SLC5A3: variants seen among roughly 807,000 people sequenced by gnomAD.
SLC5A3 encodes solute carrier family 5 member 3.
In SLC5A3, 10 loss-of-function variants were observed where a neutral mutation model predicts 43.2. The ratio of observed to expected loss-of-function variants is 0.23; its 90% CI spans 0.14 to 0.39. SLC5A3 has a LOEUF of 0.39. SLC5A3 is among the 10% of genes least tolerant of loss of function. SLC5A3 has a pLI of 1.00. For missense variants in SLC5A3, 608 were observed against 893.4 expected, an observed-to-expected ratio of 0.68 and a Z score of 4.07; for synonymous variants, 349 against 322.0, an observed-to-expected ratio of 1.08 and a Z score of -0.90.
rs771512755 is a variant in SLC5A3, at chr21:34,096,555, G to T, written c.1357G>T (p.Ala453Ser). Reference protein sequence around the residue: ...EVADYLTPPVAALFLLAIFWK... With the variant: ...EVADYLTPPVSALFLLAIFWK... ...AGCAGATTACCTGACACCCCCAGTG[G>T]CAGCCTTGTTCCTGCTGGCAATTTT... The change falls in exon 2 of 2, where the codon GCA becomes TCA. Residue 453 changes from alanine (A) to serine (S), a missense_variant. Ala to Ser is a moderately conservative substitution (Grantham distance 99). Transcript: ENST00000381151. The surrounding 1 kb of genome is among the most constrained non-coding windows in gnomAD (Gnocchi z 5.9). 5 of 1,613,988 alleles carry T rather than the reference G, an allele frequency of 3.1e-6. No homozygotes were observed. The Admixed American group carries it at 8.3e-5, about 27-fold the overall frequency.
chr21:34,077,476 C>T (rs1419200879), intron 1 of SLC5A3, among the ~76,000 whole-genome samples: 2 of 152,026 alleles, frequency 1.3e-5, no homozygotes, highest in African/African-American at 2.4e-5. Flanking sequence ...TTCTCATTGG[C>T]GTTCAGGAAT....
chr21:34,080,195 AG>A (rs1989428341), intron 1 of SLC5A3, among the ~76,000 whole-genome samples: 1 of 152,216 alleles, frequency 6.6e-6, no homozygotes, highest in African/African-American at 2.4e-5. Context: ...ACTTATAACA[AG>A]GAAATAGTAG....
chr21:34,088,912 A>G (rs1055764831), intron 1 of SLC5A3, among the ~76,000 whole-genome samples: 1 of 151,390 alleles, frequency 6.6e-6, no homozygotes, highest in Non-Finnish European at 1.5e-5. Context: ...TAACTCACTT[A>G]TCTTTGATAA....
In SLC5A3 at chr21:34,097,156, G is replaced by A. The variant is rs1399868867; in HGVS notation, c.1958G>A (p.Arg653Gln). The A allele has an allele frequency of 4.3e-6, 7 of 1,613,844 alleles. No homozygotes were observed. The highest frequency in any genetic ancestry group is 1.6e-4 in the Middle Eastern group (1 of 6,078). ...AAGAAAGAAACGGATGATGGAGGTC[G>A]GTACTGGAAGTTCATAGACTGGTTT... ...ERKKETDDGG[R>Q]YWKFIDWFCG... is the part of the protein sequence containing the mutation. The change falls in exon 2 of 2, where the codon CGG (arginine) becomes CAG (glutamine). Residue 653 changes from arginine to glutamine, a missense_variant. Around this residue, in one of 2 missense-constraint regions of SLC5A3, gnomAD observed 210 missense variants for 224.8 expected, o/e 0.93. Coordinates refer to ENST00000381151, the MANE Select transcript of SLC5A3 (RefSeq NM_006933.7).
intron 1 of SLC5A3, 40 bp downstream of exon 1, chr21:34,073,785 C>G (rs375691852): frequency 1.1e-5 from 15 of 1,426,000 alleles, no homozygotes; most frequent in East Asian, 3.2e-5. Flanking sequence ...CCCGCGCGGG[C>G]GCCCCCGCTG....
At chr21:34,086,517 T>TTGTGTGTGTGTGTG (rs34988334) in intron 1 of SLC5A3, among the ~76,000 whole-genome samples, 3 of 148,384 alleles carry the variant, frequency 2.0e-5, no homozygotes, top group East Asian at 4.0e-4. Context: ...TAGTTTGTGT[T>TTGTGTGTGTGTGTG]TGTGTGTGTG....
chr21:34,081,562 GACTAGA>G (rs1989459757), intron 1 of SLC5A3, among the ~76,000 whole-genome samples: 1 of 152,174 alleles, frequency 6.6e-6, no homozygotes, highest in Admixed American at 6.5e-5. Flanking sequence ...GGCATTGGGA[GACTAGA>G]AGGAGCTTTA....
chr21:34,077,582 T>C (rs181181143), intron 1 of SLC5A3, among the ~76,000 whole-genome samples: 3 of 152,342 alleles, frequency 2.0e-5, no homozygotes, highest in Admixed American at 1.3e-4. Context: ...TATATATATA[T>C]ATCTTCATAT....
chr21:34,081,517 A>G (rs187887310), intron 1 of SLC5A3, among the ~76,000 whole-genome samples: 9 of 152,328 alleles, frequency 5.9e-5, no homozygotes, highest in Admixed American at 4.6e-4. Flanking sequence ...TGAAATGAAG[A>G]TACTGGATGT....
chr21:34,077,581 A>G (rs1283255821), intron 1 of SLC5A3, among the ~76,000 whole-genome samples: 1 of 152,184 alleles, frequency 6.6e-6, no homozygotes, highest in Non-Finnish European at 1.5e-5. Context: ...TTATATATAT[A>G]TATCTTCATA....
Position 34,099,554 on chromosome 21 carries a change from G to A in SLC5A3, c.*2199G>A. 2.0e-6 allele frequency: 2 copies of A among 999,536 alleles called. No individual in the cohort carries two copies. The highest frequency in any genetic ancestry group is 2.4e-6 in the Non-Finnish European group (2 of 829,800). 61.9% of individuals were successfully genotyped at this position (999,536 alleles called of 1,614,324 possible). The stretch of plus-strand genomic sequence containing the variant: ...CACTGATAATTGACATATTGGCTGG[G>A]CAGCCTATCTCTTCCATATCCAGCG... On this transcript the variant is annotated 3_prime_UTR_variant, in exon 2 of 2. Transcript: ENST00000381151.
chr21:34,100,646 C>A lies in SLC5A3; in HGVS notation c.*3291C>A. 3 of 1,000,202 alleles carry A rather than the reference C, an allele frequency of 3.0e-6. No individual in the cohort carries two copies. The highest frequency in any genetic ancestry group is 9.4e-5 in the South Asian group (2 of 21,278). The allele number at this position is 1,000,202 out of a possible 1,614,324, so 62.0% of individuals were successfully genotyped here. A position where few individuals can be genotyped will look rare whatever the true frequency, so the allele number is the denominator to read the frequency against. On this transcript the variant is annotated 3_prime_UTR_variant, in exon 2 of 2. Transcript: ENST00000381151. ...AGCTGGGACCCATCACTCTGTGAAACTTCACATTTTAAGAACTGAGTTGAG... is the reference window on the plus strand; with the variant it reads ...AGCTGGGACCCATCACTCTGTGAAAATTCACATTTTAAGAACTGAGTTGAG...
In SLC5A3 at chr21:34,096,494, G is replaced by C; in HGVS notation, c.1296G>C (p.Met432Ile). The C allele has an allele frequency of 6.2e-7, 1 of 1,614,198 alleles. No homozygotes were observed. The highest frequency in any genetic ancestry group is 8.5e-7 in the Non-Finnish European group (1 of 1,180,036). ...SIAWVPIIVE[M>I]QGGQMYLYIQ... ...CATGGGTGCCAATCATCGTGGAGAT[G>C]CAAGGAGGCCAGATGTACCTTTACA... Residue 432 changes from methionine to isoleucine, a missense_variant, in exon 2 of 2, where the codon ATG (methionine) becomes ATC (isoleucine). Coordinates refer to ENST00000381151, the MANE Select transcript of SLC5A3 (RefSeq NM_006933.7). This position sits in a 1 kb window ranked among gnomAD's most constrained non-coding sequence, Gnocchi z 5.9.
chr21:34,100,400 C>T lies in SLC5A3; in HGVS notation c.*3045C>T, dbSNP rs1055030688. ...GAGTAAACACTTGAGCCGATTTCTT[C>T]TTCCCCAGCTATTCTTTCCTGGGGG... On this transcript the variant is annotated 3_prime_UTR_variant, in exon 2 of 2. Transcript: ENST00000381151. The T allele has an allele frequency of 2.0e-5, 20 of 1,000,196 alleles. No homozygotes were observed. Among genetic ancestry groups the T allele is most frequent in the Non-Finnish European group, 2.2e-5 (18 of 829,956 alleles). The allele number at this position is 1,000,196 out of a possible 1,614,324, so 62.0% of individuals were successfully genotyped here.
rs528305689 is a variant in SLC5A3, at chr21:34,086,209, GGTTTT to G, written c.-336-8636_-336-8632del. Among the ~76,000 whole-genome samples the G allele has an allele frequency of 1.3e-3, 194 of 152,202 alleles. 1 individual carries two copies. Among genetic ancestry groups the G allele is most frequent in the African/African-American group, 4.0e-3 (166 of 41,512 alleles). On this transcript the variant is annotated intron_variant, in intron 1 of 1. Transcript: ENST00000381151. ...GGTTCTAGAAATTTGATTAGATTCAGGTTTTGTTTTGTTTTGTTTTGTAAGAGCAC... is the reference window on the plus strand; with the variant it reads ...GGTTCTAGAAATTTGATTAGATTCAGGTTTTGTTTTGTTTTGTAAGAGCAC...
intron 1 of SLC5A3, among the ~76,000 whole-genome samples, chr21:34,085,797 T>C (rs1003596122): frequency 4.6e-5 from 7 of 152,010 alleles, no homozygotes; most frequent in Non-Finnish European, 8.8e-5. Flanking sequence ...AGAGACGGGG[T>C]TTCACCGTGT....
rs778783294 is a variant in SLC5A3, at chr21:34,097,397, C to T, written c.*42C>T. ...AGACACTAACTTAAGACAATACTGACTGGTCTTTGGGGAAAAAAGTTATGT... is the reference window on the plus strand; with the variant it reads ...AGACACTAACTTAAGACAATACTGATTGGTCTTTGGGGAAAAAAGTTATGT... On this transcript the variant is annotated 3_prime_UTR_variant, in exon 2 of 2. Transcript: ENST00000381151. 2 of 1,398,192 alleles carry T rather than the reference C, an allele frequency of 1.4e-6. No homozygotes were observed. Among genetic ancestry groups the T allele is most frequent in the Non-Finnish European group, 9.2e-7 (1 of 1,084,172 alleles). The allele number at this position is 1,398,192 out of a possible 1,614,324, so 86.6% of individuals were successfully genotyped here.
At position 34,105,363 on chromosome 21, in the gene SLC5A3, GTCT is replaced by G. The variant is rs1381463532; in HGVS notation, c.*8014_*8016del. 5.0e-6 allele frequency: 5 copies of G among 999,462 alleles called. No homozygotes were observed. Among genetic ancestry groups the G allele is most frequent in the East Asian group, 1.1e-4 (1 of 8,826 alleles). 61.9% of individuals were successfully genotyped at this position (999,462 alleles called of 1,614,324 possible). A position where few individuals can be genotyped will look rare whatever the true frequency, so the allele number is the denominator to read the frequency against. ...AATAGTTGCTGTGCAAAAGTTAGTAGTCTTCTTCAAGAAGAAAACCAATTCTTT... is the reference window on the plus strand; with the variant it reads ...AATAGTTGCTGTGCAAAAGTTAGTAGTCTTCAAGAAGAAAACCAATTCTTT... On this transcript the variant is annotated 3_prime_UTR_variant, in exon 2 of 2. Transcript: ENST00000381151.
intron 1 of SLC5A3, among the ~76,000 whole-genome samples, chr21:34,075,772 G>T (rs1278907754): frequency 1.3e-5 from 2 of 152,188 alleles, no homozygotes; most frequent in African/African-American, 4.8e-5. Flanking sequence ...CAAACACAAA[G>T]ACTTCCAGGT....
Sources: gnomAD v4.1 joint callset for allele counts (sites outside exome capture counted in the v4.1 genomes callset) on GRCh38, gnomAD v4.1.1 for gene constraint, gnomAD v4.1.1 regional missense constraint, Gnocchi (gnomAD v3.1) non-coding constraint, MANE v1.5 for transcripts, NCBI Gene and HGNC (gene_info 2026-07-23, HGNC 2026-07-21) for gene names.